Variants in OPN3 observed in about 807,000 individuals in gnomAD.
The protein encoded by OPN3 is opsin 3, also known as opsin-3.
OPN3 carries 29 observed loss-of-function variants against 33.8 expected under a neutral mutation model. The observed-to-expected ratio is 0.86, with a 90% confidence interval of 0.64 to 1.17. The LOEUF (loss-of-function observed/expected upper bound fraction) is 1.17, where lower values mean the gene tolerates loss of function less well. Ranked by LOEUF, OPN3 falls within the 50% of genes most tolerant of loss-of-function variation. OPN3 has a pLI of 0.00. For missense variants in OPN3, 437 were observed against 514.1 expected (o/e 0.85, Z 1.45); for synonymous variants, 216 against 216.1 (o/e 1.00, Z 0.00).
intron 1 of OPN3, among the ~76,000 whole-genome samples, chr1:241,607,510 T>C (rs879588595): frequency 7.2e-6 from 1 of 138,462 alleles, no homozygotes; most frequent in Non-Finnish European, 1.5e-5. Flanking sequence ...CAAGACTCCA[T>C]CAAAAGACAG....
At chr1:241,596,917 T>G (rs990701156) in intron 3 of OPN3, among the ~76,000 whole-genome samples, 4 of 152,068 alleles carry the variant, frequency 2.6e-5, no homozygotes, top group Non-Finnish European at 5.9e-5. Context: ...CTTGACCTCC[T>G]GGGCTCAAGA....
chr1:241,610,568 G>T (rs1263035857), intron 1 of OPN3, among the ~76,000 whole-genome samples: 3 of 152,104 alleles, frequency 2.0e-5, no homozygotes, highest in African/African-American at 7.2e-5. Context: ...GTTCTTTCCG[G>T]TATAACTTAA....
intron 1 of OPN3, chr1:241,633,532 C>T (rs1664730132): frequency 2.3e-6 from 1 of 444,380 alleles, no homozygotes. Context: ...CATATATACC[C>T]AATACTAAAA....
chr1:241,607,384 A>G (rs549146052), intron 1 of OPN3, among the ~76,000 whole-genome samples: 1 of 152,146 alleles, frequency 6.6e-6, no homozygotes, highest in African/African-American at 2.4e-5. Flanking sequence ...GCATGGTGGC[A>G]TGCATCTGTA....
chr1:241,617,787 G>A (rs958104315), intron 1 of OPN3, among the ~76,000 whole-genome samples: 2 of 152,144 alleles, frequency 1.3e-5, no homozygotes, highest in Admixed American at 6.5e-5. Flanking sequence ...CATATATAAC[G>A]TGCTAAGGAA....
chr1:241,639,746 G>A, intron 1 of OPN3, 136 bp downstream of exon 1: 1 of 871,122 alleles, frequency 1.1e-6, no homozygotes, highest in Non-Finnish European at 1.6e-6. Context: ...GGGGAGCGGG[G>A]CGGTGTAGGG....
At chr1:241,637,817 C>G (rs551708144) in intron 1 of OPN3, among the ~76,000 whole-genome samples, 1 of 152,330 alleles carries the variant, frequency 6.6e-6, no homozygotes, top group South Asian at 2.1e-4. Flanking sequence ...AGGATCCACT[C>G]TTGTGCCATC....
chr1:241,604,728 C>T, intron 1 of OPN3, 149 bp from the exon 2 acceptor site: 1 of 716,826 alleles, frequency 1.4e-6, no homozygotes, highest in Non-Finnish European at 2.2e-6. Flanking sequence ...GTCTATAGTC[C>T]CAAGGAAATT....
intron 1 of OPN3, among the ~76,000 whole-genome samples, chr1:241,612,990 G>A (rs1224850917): frequency 1.3e-5 from 2 of 152,252 alleles, no homozygotes; most frequent in Middle Eastern, 3.4e-3. Context: ...CGTGCAGCGG[G>A]CATACCATCC....
intron 1 of OPN3, among the ~76,000 whole-genome samples, chr1:241,637,034 T>G (rs1333502458): frequency 1.3e-5 from 2 of 152,148 alleles, no homozygotes; most frequent in African/African-American, 2.4e-5. Context: ...AAGACATCTG[T>G]GTGATGCCCT....
intron 1 of OPN3, chr1:241,636,040 G>A (rs1664885813): frequency 4.2e-6 from 2 of 472,040 alleles, no homozygotes; most frequent in Admixed American, 3.8e-5. Flanking sequence ...ATGTCAAAAT[G>A]CATCATATAT....
chr1:241,627,723 G>A (rs1664461149), intron 1 of OPN3, among the ~76,000 whole-genome samples: 1 of 151,758 alleles, frequency 6.6e-6, no homozygotes, highest in Admixed American at 6.6e-5. Flanking sequence ...TGGTTAAAAG[G>A]AAATGAACTA....
chr1:241,593,235 A>G lies in OPN3; in HGVS notation c.*1193T>C. 1 of 284,034 alleles carries G rather than the reference A, an allele frequency of 3.5e-6. No homozygotes were observed. The highest frequency in any genetic ancestry group is 7.9e-5 in the East Asian group (1 of 12,692). 17.6% of individuals were successfully genotyped at this position (284,034 alleles called of 1,614,324 possible). On this transcript the variant is annotated 3_prime_UTR_variant, in exon 4 of 4. Coordinates refer to ENST00000366554, the MANE Select transcript of OPN3 (RefSeq NM_014322.3). ...AAATACAAAGCCATTACTTTATTCA[A>G]TTTCAGACCCTCAGAAGCAATTTAC...
rs201624623 is a variant in OPN3, at chr1:241,633,856, T to C, written c.373+6026A>G. On this transcript the variant is annotated intron_variant, in intron 1 of 3. Transcript: ENST00000366554. ...TTTTGCTTTCCTCAGAGGATTCTAGTTTGGCCATTACTACATTATTGGTTC... is the reference window on the plus strand; with the variant it reads ...TTTTGCTTTCCTCAGAGGATTCTAGCTTGGCCATTACTACATTATTGGTTC... 559 of 1,613,916 alleles carry C rather than the reference T, an allele frequency of 3.5e-4. 2 individuals are homozygous for C. The East Asian group carries it at 9.8e-3, about 28-fold the overall frequency.
chr1:241,620,974 G>A (rs1056839948), intron 1 of OPN3, among the ~76,000 whole-genome samples: 2 of 151,936 alleles, frequency 1.3e-5, no homozygotes, highest in Admixed American at 6.6e-5. Context: ...TCCATCAAAA[G>A]GGAAAAATGT....
intron 1 of OPN3, among the ~76,000 whole-genome samples, chr1:241,608,594 A>G (rs769914336): frequency 1.1e-4 from 16 of 152,216 alleles, no homozygotes; most frequent in Non-Finnish European, 1.8e-4. Flanking sequence ...GAAAAGACCC[A>G]TTGCACTCAG....
chr1:241,638,218 A>G (rs1664977839), intron 1 of OPN3, among the ~76,000 whole-genome samples: 1 of 152,186 alleles, frequency 6.6e-6, no homozygotes, highest in Non-Finnish European at 1.5e-5. Context: ...CAAAAATCTA[A>G]GTGAACTTAG....
At chr1:241,633,212 T>A (rs1664714686) in intron 1 of OPN3, 1 of 154,268 alleles carries the variant, frequency 6.5e-6, no homozygotes, top group South Asian at 2.0e-4. Context: ...ACCTTCACAG[T>A]GCATAAAGGA....
At chr1:241,597,657 C>A (rs79917733) in intron 3 of OPN3, 89 bp downstream of exon 3, 3 of 1,220,946 alleles carry the variant, frequency 2.5e-6, no homozygotes, top group Non-Finnish European at 2.2e-6. Flanking sequence ...TTAATTGAAG[C>A]GACTCTGAAT....
Sources: allele counts gnomAD v4.1 joint callset (sites outside exome capture counted in the v4.1 genomes callset), GRCh38; gene constraint gnomAD v4.1.1; transcripts MANE v1.5; gene names NCBI Gene and HGNC (gene_info 2026-07-23, HGNC 2026-07-21).